Variants in IL34 observed in about 807,000 individuals in gnomAD.
The protein encoded by IL34 is interleukin-34.
Under a neutral mutation model 25.3 loss-of-function variants are expected in IL34, and 17 were observed. The ratio of observed to expected loss-of-function variants is 0.67; its 90% CI spans 0.46 to 1.01. The LOEUF (loss-of-function observed/expected upper bound fraction) is 1.01. Ranked by LOEUF, IL34 falls within the 50% of genes least tolerant of loss-of-function variation. The pLI is 0.00. For synonymous variants in IL34, 174 were observed against 140.9 expected (o/e 1.23, Z -1.66); for missense variants, 368 against 312.9 (o/e 1.18, Z -1.33).
intron 1 of IL34, among the ~76,000 whole-genome samples, chr16:70,597,826 A>C (rs2050846074): frequency 6.6e-6 from 1 of 152,074 alleles, no homozygotes; most frequent in East Asian, 1.9e-4. Context: ...TGGGTGGCCC[A>C]GGCCCTGGAG....
intron 1 of IL34, among the ~76,000 whole-genome samples, chr16:70,631,301 C>T (rs894762692): frequency 1.3e-5 from 2 of 152,160 alleles, no homozygotes; most frequent in Non-Finnish European, 2.9e-5. Context: ...AGGCCTAAGT[C>T]TCCTTTCCTG....
intron 1 of IL34, among the ~76,000 whole-genome samples, chr16:70,623,847 G>A (rs1213684846): frequency 6.6e-6 from 1 of 150,916 alleles, no homozygotes; most frequent in Admixed American, 6.6e-5. Context: ...GAGTTGGGGA[G>A]TTCTAAGAGG....
At chr16:70,633,246 C>T (rs144607143) in intron 1 of IL34, among the ~76,000 whole-genome samples, 2,147 of 150,994 alleles carry the variant, frequency 0.014, 32 homozygotes, top group African/African-American at 0.029. Flanking sequence ...ATTACAAGTG[C>T]CCAGACTGAT....
chr16:70,609,753 A>T (rs1489224530), intron 1 of IL34, among the ~76,000 whole-genome samples: 4 of 152,080 alleles, frequency 2.6e-5, no homozygotes, highest in Admixed American at 2.0e-4. Flanking sequence ...TGAGTGAGTG[A>T]TATTACCCAT....
At position 70,623,932 on chromosome 16, in the gene IL34, T is replaced by G. The variant is rs148154392; in HGVS notation, c.-400-22616T>G. On this transcript the variant is annotated intron_variant, in intron 1 of 6. Coordinates refer to the IL34 transcript ENST00000429149. ...ACAGGCCCTTGAAAAGAAGGTAATG[T>G]GGAGTGGGTAGCCTCCGTATTGATT... 3.3e-3 allele frequency among the ~76,000 whole-genome samples: 470 copies of G among 144,432 alleles called. 7 individuals are homozygous for G. Among genetic ancestry groups the G allele is most frequent in the Non-Finnish European group, 5.4e-3 (351 of 64,978 alleles). The allele number at this position is 144,432 out of a possible 152,430, so 94.8% of individuals were successfully genotyped here. A position where few individuals can be genotyped will look rare whatever the true frequency, so the allele number is the denominator to read the frequency against.
At chr16:70,591,723 G>A (rs921518804) in intron 1 of IL34, among the ~76,000 whole-genome samples, 1 of 152,080 alleles carries the variant, frequency 6.6e-6, no homozygotes, top group Non-Finnish European at 1.5e-5. Flanking sequence ...CCATCTCCCC[G>A]GATTCTTACA....
rs188239915 is a variant in IL34 at position 70,625,607 on chromosome 16, C to T, written c.-400-20941C>T. 8.0e-4 allele frequency among the ~76,000 whole-genome samples: 121 copies of T among 152,176 alleles called. 4 individuals are homozygous for T. The East Asian group carries it at 0.016, about 20-fold the overall frequency. ...GCAGGCATCCCTGCGTGGTCTGACA[C>T]CTTTGAAACGTGGGTGAATAATCAG... On this transcript the variant is annotated intron_variant, in intron 1 of 6. Transcript: ENST00000429149.
chr16:70,641,302 C>A (rs1201403306), intron 1 of IL34, among the ~76,000 whole-genome samples: 1 of 151,938 alleles, frequency 6.6e-6, no homozygotes, highest in East Asian at 1.9e-4. Flanking sequence ...GTTATGCCTA[C>A]ACAAAAACTT....
intron 1 of IL34, among the ~76,000 whole-genome samples, chr16:70,610,953 T>G (rs960791534): frequency 7.0e-6 from 1 of 142,354 alleles, no homozygotes; most frequent in African/African-American, 2.7e-5. Flanking sequence ...TTTGTGATTT[T>G]GGGGGCTTCT....
rs747528604 is a variant in IL34, at chr16:70,657,113, G to T, written c.394G>T (p.Gly132Cys). The T allele has an allele frequency of 1.2e-6, 2 of 1,612,694 alleles. No homozygotes were observed. Among genetic ancestry groups the T allele is most frequent in the East Asian group, 2.2e-5 (1 of 44,846 alleles). Residue 132 changes from glycine (G) to cysteine (C), a missense_variant, in exon 4 of 6, where the codon GGC (glycine) becomes TGC (cysteine). Coordinates refer to ENST00000288098, the MANE Select transcript of IL34 (RefSeq NM_001393494.1). ...GACGCTGCTGCTGAATGTCCAGCAG[G>T]GCCTCACGGTGAGTTGTGTGGAGGA... ...VETLLLNVQQGLTDVEVSPKV... is the reference protein window; with the variant it reads ...VETLLLNVQQCLTDVEVSPKV...
chr16:70,593,835 AT>A (rs1232123959), intron 1 of IL34, among the ~76,000 whole-genome samples: 16 of 152,016 alleles, frequency 1.1e-4, no homozygotes, highest in African/African-American at 1.7e-4. Context: ...CAATATCTAG[AT>A]TTTTTTCTTG....
At chr16:70,602,326 C>T (rs2050930288) in intron 1 of IL34, among the ~76,000 whole-genome samples, 1 of 152,190 alleles carries the variant, frequency 6.6e-6, no homozygotes, top group Non-Finnish European at 1.5e-5. Context: ...AGCTGCGTGG[C>T]TTTAAGAAAA....
intron 1 of IL34, among the ~76,000 whole-genome samples, chr16:70,593,400 T>A (rs2050779265): frequency 2.0e-5 from 3 of 152,060 alleles, no homozygotes; most frequent in Admixed American, 2.0e-4. Flanking sequence ...CTTCTAGAAG[T>A]TTTATAGTTT....
intron 1 of IL34, among the ~76,000 whole-genome samples, chr16:70,604,277 A>T (rs1567441243): frequency 6.6e-6 from 1 of 152,176 alleles, no homozygotes; most frequent in Non-Finnish European, 1.5e-5. Flanking sequence ...CTGGGAACAA[A>T]CCTTTGCAAA....
chr16:70,635,415 C>A (rs559867131), intron 1 of IL34, among the ~76,000 whole-genome samples: 154 of 152,334 alleles, frequency 1.0e-3, no homozygotes, highest in Non-Finnish European at 1.7e-3. Flanking sequence ...TCTCAGGAAG[C>A]ACAAAGGCCT....
intron 1 of IL34, among the ~76,000 whole-genome samples, chr16:70,649,584 G>T (rs2052028285): frequency 1.3e-5 from 2 of 152,082 alleles, no homozygotes; most frequent in African/African-American, 4.8e-5. Context: ...TCCAAACAAG[G>T]TCACACTCGG....
chr16:70,609,074 T>G (rs759063024), intron 1 of IL34, among the ~76,000 whole-genome samples: 2 of 152,068 alleles, frequency 1.3e-5, no homozygotes, highest in African/African-American at 2.4e-5. Flanking sequence ...AAAATTATGT[T>G]TATTTATTAT....
chr16:70,622,812 TAG>T (rs2051309839), intron 1 of IL34, among the ~76,000 whole-genome samples: 1 of 151,996 alleles, frequency 6.6e-6, no homozygotes, highest in South Asian at 2.1e-4. Context: ...ATGAGAAATG[TAG>T]AGAGTGAGTT....
intron 1 of IL34, among the ~76,000 whole-genome samples, chr16:70,636,700 T>A (rs1464197170): frequency 1.3e-5 from 2 of 151,622 alleles, no homozygotes; most frequent in East Asian, 3.9e-4. Context: ...GCCCAGGAGT[T>A]CGAGGCTGCA....
Sources: allele counts gnomAD v4.1 joint callset (sites outside exome capture counted in the v4.1 genomes callset), GRCh38; gene constraint gnomAD v4.1.1; transcripts MANE v1.5; gene names NCBI Gene and HGNC (gene_info 2026-07-23, HGNC 2026-07-21).